The following ALG14 variants were observed in gnomAD, a reference collection of about 807,000 sequenced individuals.
The protein encoded by ALG14 is ALG14 UDP-N-acetylglucosaminyltransferase subunit, also known as UDP-N-acetylglucosamine transferase subunit ALG14.
Under a neutral mutation model 22.8 loss-of-function variants are expected in ALG14, and 17 were observed. The ratio of observed to expected loss-of-function variants is 0.75; its 90% CI spans 0.51 to 1.12. The LOEUF (loss-of-function observed/expected upper bound fraction) is 1.12, where lower values mean the gene tolerates loss of function less well. ALG14 is among the 50% of genes most tolerant of loss of function. The probability of loss-of-function intolerance (pLI) is 0.00; values close to 1 mark genes in which losing one functional copy is unlikely to be tolerated. For missense variants in ALG14, 288 were observed against 271.8 expected, an observed-to-expected ratio of 1.06 and a Z score of -0.42; for synonymous variants, 89 against 103.7, an observed-to-expected ratio of 0.86 and a Z score of 0.86.
In ALG14 at chr1:95,054,318, C is replaced by T. The variant is rs577273772; in HGVS notation, c.288+10548G>A. 2.6e-3 allele frequency among the ~76,000 whole-genome samples: 391 copies of T among 152,194 alleles called. 2 individuals are homozygous for T. Among genetic ancestry groups the T allele is most frequent in the Non-Finnish European group, 4.4e-3 (302 of 68,014 alleles). ...GTACAGTATAGTGAGTGAGTTCTCA[C>T]GGGATCTGTTTGTTTAAAAGTATGT... On this transcript the variant is annotated intron_variant, in intron 2 of 3. Transcript: ENST00000370205.
chr1:95,032,036 G>A (rs1452470029), intron 2 of ALG14, among the ~76,000 whole-genome samples: 2 of 151,912 alleles, frequency 1.3e-5, no homozygotes, highest in African/African-American at 2.4e-5. Flanking sequence ...CTCCAACTCC[G>A]GACCTCAGGT....
At chr1:95,048,078 G>A (rs2100809664) in intron 2 of ALG14, among the ~76,000 whole-genome samples, 1 of 152,282 alleles carries the variant, frequency 6.6e-6, no homozygotes, top group Non-Finnish European at 1.5e-5. Context: ...TAATTATGGG[G>A]CATATTCAAT....
At chr1:95,031,511 G>A (rs749328126) in intron 2 of ALG14, among the ~76,000 whole-genome samples, 1 of 152,186 alleles carries the variant, frequency 6.6e-6, no homozygotes, top group Non-Finnish European at 1.5e-5. Context: ...TTTTTTGACA[G>A]TAAGTTCAGG....
intron 2 of ALG14, among the ~76,000 whole-genome samples, chr1:95,033,853 A>G (rs1674102699): frequency 6.6e-6 from 1 of 152,092 alleles, no homozygotes; most frequent in African/African-American, 2.4e-5. Flanking sequence ...CTCCCCTACA[A>G]TCTATTCTTT....
chr1:95,050,179 A>G (rs1295749688), intron 2 of ALG14, among the ~76,000 whole-genome samples: 1 of 152,234 alleles, frequency 6.6e-6, no homozygotes, highest in Non-Finnish European at 1.5e-5. Flanking sequence ...ATCTTCTGCC[A>G]AAGCACAAAG....
intron 3 of ALG14, among the ~76,000 whole-genome samples, chr1:94,985,819 T>G (rs1305089933): frequency 2.0e-5 from 3 of 151,790 alleles, no homozygotes; most frequent in African/African-American, 7.3e-5. Flanking sequence ...CTCTCTTGCA[T>G]CCGTATATTT....
intron 2 of ALG14, among the ~76,000 whole-genome samples, chr1:95,060,177 C>T (rs893296977): frequency 1.4e-5 from 2 of 143,282 alleles, no homozygotes; most frequent in Non-Finnish European, 3.0e-5. Flanking sequence ...CACACACACA[C>T]GTGGTGGTAC....
chr1:94,975,316 T>TGAA lies in ALG14; in HGVS notation c.*7759_*7760insTTC, dbSNP rs1672373768. On this transcript the variant is annotated 3_prime_UTR_variant, in exon 4 of 4. Transcript: ENST00000370205. ...TACAAGGTTCATCCACACTGTAGCA[T>TGAA]GTATTAGTACTTCATTCCTTTGTGT... 1 of 152,276 alleles carries TGAA rather than the reference T, an allele frequency of 6.6e-6. No individual in the cohort carries two copies. Among genetic ancestry groups the TGAA allele is most frequent in the Non-Finnish European group, 1.5e-5 (1 of 68,060 alleles). 9.4% of individuals were successfully genotyped at this position (152,276 alleles called of 1,614,324 possible).
At chr1:95,038,889 T>TA (rs1255404899) in intron 2 of ALG14, among the ~76,000 whole-genome samples, 7 of 151,752 alleles carry the variant, frequency 4.6e-5, no homozygotes, top group Non-Finnish European at 8.8e-5. Context: ...TTGCTGATTT[T>TA]AAAAAAACTT....
chr1:94,997,415 T>C (rs7533303), intron 3 of ALG14, among the ~76,000 whole-genome samples: 31 of 152,152 alleles, frequency 2.0e-4, no homozygotes, highest in African/African-American at 7.5e-4. Flanking sequence ...ACTATGGTGA[T>C]AATATTAAAC....
At chr1:95,043,836 G>A (rs904366458) in intron 2 of ALG14, among the ~76,000 whole-genome samples, 2 of 148,772 alleles carry the variant, frequency 1.3e-5, no homozygotes, top group Non-Finnish European at 2.9e-5. Flanking sequence ...AGAAGAGAGA[G>A]AAGGAGGGGA....
chr1:95,036,419 C>CTTTTT (rs35068075), intron 2 of ALG14, among the ~76,000 whole-genome samples: 14 of 71,896 alleles, frequency 1.9e-4, no homozygotes, highest in Admixed American at 3.7e-4. Context: ...AATTAAACCT[C>CTTTTT]TTTTTTTTTT....
intron 1 of ALG14, among the ~76,000 whole-genome samples, chr1:95,065,527 T>C (rs1675330909): frequency 6.6e-6 from 1 of 152,106 alleles, no homozygotes; most frequent in Admixed American, 6.5e-5. Context: ...GGGCATGAGA[T>C]GACAAGATCT....
chr1:95,027,398 G>C, intron 2 of ALG14, 138 bp from the exon 3 acceptor site: 2 of 1,028,230 alleles, frequency 1.9e-6, no homozygotes, highest in Middle Eastern at 3.1e-4. Flanking sequence ...AATTAGAGTT[G>C]TAATGCCTAT....
At chr1:94,985,090 T>C (rs1445070398) in intron 3 of ALG14, among the ~76,000 whole-genome samples, 1 of 152,162 alleles carries the variant, frequency 6.6e-6, no homozygotes, top group East Asian at 1.9e-4. Flanking sequence ...ATCACATGTT[T>C]AGGAGGTGAA....
chr1:95,035,389 C>T (rs1571632547), intron 2 of ALG14, among the ~76,000 whole-genome samples: 1 of 152,266 alleles, frequency 6.6e-6, no homozygotes, highest in Non-Finnish European at 1.5e-5. Flanking sequence ...ACAACCTTTC[C>T]ATCTCAGCTT....
intron 1 of ALG14, 94 bp downstream of exon 1, chr1:95,072,669 A>G: frequency 6.6e-7 from 1 of 1,512,962 alleles, no homozygotes; most frequent in Non-Finnish European, 9.0e-7. Context: ...CAACACTCCA[A>G]GAAGTGCTAA....
At chr1:95,049,204 G>A (rs946914608) in intron 2 of ALG14, among the ~76,000 whole-genome samples, 21 of 152,034 alleles carry the variant, frequency 1.4e-4, no homozygotes, top group South Asian at 2.1e-4. Context: ...GGCTATGAAA[G>A]GTTATAATTA....
intron 2 of ALG14, among the ~76,000 whole-genome samples, chr1:95,056,277 C>T (rs1674931352): frequency 6.6e-6 from 1 of 152,152 alleles, no homozygotes; most frequent in Admixed American, 6.5e-5. Flanking sequence ...CCTATTTTGC[C>T]ATATGGAAAT....
Sources: gnomAD v4.1 joint callset for allele counts (sites outside exome capture counted in the v4.1 genomes callset) on GRCh38, gnomAD v4.1.1 for gene constraint, MANE v1.5 for transcripts, NCBI Gene and HGNC (gene_info 2026-07-23, HGNC 2026-07-21) for gene names.